The following CENPP variants were observed in gnomAD, a reference collection of about 807,000 sequenced individuals.
CENPP encodes centromere protein P.
In CENPP, 24 loss-of-function variants were observed where a neutral mutation model predicts 35.6. The ratio of observed to expected loss-of-function variants is 0.67; its 90% confidence interval spans 0.49 to 0.95. CENPP has a LOEUF of 0.95. Ranked by LOEUF, CENPP falls within the 40% of genes least tolerant of loss-of-function variation. The pLI is 0.00. For synonymous variants in CENPP, 120 were observed against 125.5 expected (o/e 0.96, Z 0.29); for missense variants, 332 against 345.3 (o/e 0.96, Z 0.31).
intron 5 of CENPP, among the ~76,000 whole-genome samples, chr9:92,434,318 G>A (rs1844193837): frequency 6.7e-6 from 1 of 150,058 alleles, no homozygotes; most frequent in African/African-American, 2.5e-5. Context: ...GAACCCAGTA[G>A]ACCAAGGTTG....
intron 5 of CENPP, chr9:92,457,100 C>T: frequency 7.2e-7 from 1 of 1,380,644 alleles, no homozygotes; most frequent in Non-Finnish European, 9.3e-7. Context: ...TTCTCTCAAC[C>T]CTTATGTATC....
intron 5 of CENPP, among the ~76,000 whole-genome samples, chr9:92,413,774 T>C (rs1170551294): frequency 2.0e-5 from 3 of 152,214 alleles, no homozygotes; most frequent in African/African-American, 7.2e-5. Context: ...AATGGAGTTT[T>C]CTTCATATTC....
At chr9:92,455,110 G>A (rs775447591) in intron 5 of CENPP, among the ~76,000 whole-genome samples, 16 of 152,212 alleles carry the variant, frequency 1.1e-4, no homozygotes, top group Non-Finnish European at 1.6e-4. Context: ...TAGAGGTAGA[G>A]GGGAGGCTGG....
intron 5 of CENPP, among the ~76,000 whole-genome samples, chr9:92,524,693 A>C (rs982570310): frequency 1.3e-5 from 2 of 152,216 alleles, no homozygotes; most frequent in Non-Finnish European, 1.5e-5. Flanking sequence ...TATGGAGGAG[A>C]AACTAAAACC....
intron 4 of CENPP, among the ~76,000 whole-genome samples, chr9:92,378,372 ATTG>A (rs1842170124): frequency 6.6e-6 from 1 of 151,904 alleles, no homozygotes. Flanking sequence ...CTTTTGGGTT[ATTG>A]TTGTTGTTAA....
rs1842656649 is a variant in CENPP, at chr9:92,391,016, G to C, written c.564+11157G>C. On this transcript the variant is annotated intron_variant, in intron 5 of 7. Transcript: ENST00000375587. ...GTGGTGGCTTATGCCTGTAATCCTA[G>C]CACTTTGGGAGGCCAAGGTGGGCAG... 3.9e-5 allele frequency among the ~76,000 whole-genome samples: 6 copies of C among 152,064 alleles called. No individual in the cohort carries two copies. The South Asian group carries it at 1.2e-3, about 32-fold the overall frequency.
intron 7 of CENPP, 75 bp from the exon 8 acceptor site, chr9:92,612,944 C>A: frequency 6.4e-7 from 1 of 1,571,938 alleles, no homozygotes; most frequent in Admixed American, 1.7e-5. Flanking sequence ...TTGGTGAGGT[C>A]CATGCCAGCA....
intron 5 of CENPP, among the ~76,000 whole-genome samples, chr9:92,382,287 G>C (rs1028095444): frequency 1.3e-5 from 2 of 151,930 alleles, no homozygotes; most frequent in African/African-American, 4.8e-5. Context: ...GTACATAGTG[G>C]TGTTTCAATA....
At chr9:92,516,078 C>CA (rs966329628) in intron 5 of CENPP, among the ~76,000 whole-genome samples, 2 of 150,022 alleles carry the variant, frequency 1.3e-5, no homozygotes, top group African/African-American at 4.9e-5. Context: ...TTTTTCCCCC[C>CA]CCCGAGACGG....
At chr9:92,440,803 T>C (rs1012958212) in intron 5 of CENPP, among the ~76,000 whole-genome samples, 1 of 152,238 alleles carries the variant, frequency 6.6e-6, no homozygotes, top group Non-Finnish European at 1.5e-5. Context: ...TTGTACTTGC[T>C]GTGGTTTCAG....
chr9:92,409,591 T>C, intron 5 of CENPP, among the ~76,000 whole-genome samples: 1 of 152,222 alleles, frequency 6.6e-6, no homozygotes, highest in Non-Finnish European at 1.5e-5. Context: ...TGAACAAATT[T>C]ATGAAGTATC....
chr9:92,450,486 A>T (rs1844676761), intron 5 of CENPP, among the ~76,000 whole-genome samples: 1 of 152,054 alleles, frequency 6.6e-6, no homozygotes, highest in Non-Finnish European at 1.5e-5. Flanking sequence ...TTCTTAATCC[A>T]GTCTATCATT....
chr9:92,600,725 G>A (rs1466356257), intron 5 of CENPP, among the ~76,000 whole-genome samples: 1 of 152,246 alleles, frequency 6.6e-6, no homozygotes, highest in Non-Finnish European at 1.5e-5. Context: ...GCCCCACCAT[G>A]GGTTTGGAAT....
intron 5 of CENPP, among the ~76,000 whole-genome samples, chr9:92,575,629 T>G (rs1245305946): frequency 6.6e-6 from 1 of 152,018 alleles, no homozygotes; most frequent in African/African-American, 2.4e-5. Flanking sequence ...CTGGCCAACA[T>G]GGTGAAACCC....
intron 5 of CENPP, chr9:92,474,504 TAAATGAA>T (rs1845636162): frequency 5.7e-6 from 8 of 1,405,028 alleles, no homozygotes; most frequent in Non-Finnish European, 7.5e-6. Context: ...CCTAAAAACT[TAAATGAA>T]AAAAACTTAT....
chr9:92,454,504 T>G (rs1320770562), intron 5 of CENPP, among the ~76,000 whole-genome samples: 1 of 152,206 alleles, frequency 6.6e-6, no homozygotes, highest in Non-Finnish European at 1.5e-5. Flanking sequence ...ATAAGTGCCA[T>G]GATATCACAA....
intron 5 of CENPP, among the ~76,000 whole-genome samples, chr9:92,552,992 A>T (rs747436670): frequency 6.6e-6 from 1 of 151,186 alleles, no homozygotes; most frequent in Non-Finnish European, 1.5e-5. Context: ...TTTTAAGCCA[A>T]TGTCTAGAAG....
intron 5 of CENPP, chr9:92,482,626 G>GA (rs1845950047): frequency 6.6e-6 from 1 of 152,144 alleles, no homozygotes; most frequent in Non-Finnish European, 1.5e-5. Flanking sequence ...GAAAAAAAAA[G>GA]AAAGTTTAAT....
intron 5 of CENPP, among the ~76,000 whole-genome samples, chr9:92,436,942 G>C (rs1564319493): frequency 6.6e-6 from 1 of 152,168 alleles, no homozygotes. Flanking sequence ...GCTCACACTT[G>C]TAATCCCAGC....
Sources: gnomAD v4.1 joint callset for allele counts (sites outside exome capture counted in the v4.1 genomes callset) on GRCh38, gnomAD v4.1.1 for gene constraint, MANE v1.5 for transcripts, NCBI Gene and HGNC (gene_info 2026-07-23, HGNC 2026-07-21) for gene names.